Variants in TBCK observed in about 807,000 individuals in gnomAD.
The protein encoded by TBCK is TBC1 domain containing kinase.
Under a neutral mutation model 113.4 loss-of-function variants are expected in TBCK, and 99 were observed. The observed-to-expected ratio is 0.87, with a 90% CI of 0.74 to 1.03. The LOEUF (loss-of-function observed/expected upper bound fraction) is 1.03, where lower values mean the gene tolerates loss of function less well. TBCK is among the 50% of genes least tolerant of loss of function. TBCK has a pLI of 0.00. For missense variants in TBCK, 1,045 were observed against 1,061.3 expected (o/e 0.98, Z 0.21); for synonymous variants, 369 against 370.8 (o/e 1.00, Z 0.05).
chr4:106,223,658 T>C (rs1757942956), intron 19 of TBCK, among the ~76,000 whole-genome samples: 2 of 152,132 alleles, frequency 1.3e-5, no homozygotes, highest in African/African-American at 4.8e-5. Context: ...ATTTATATGA[T>C]ATCTCCTCTT....
At chr4:106,111,980 T>C (rs2149557102) in intron 24 of TBCK, among the ~76,000 whole-genome samples, 1 of 152,280 alleles carries the variant, frequency 6.6e-6, no homozygotes, top group African/African-American at 2.4e-5. Context: ...CAAAGGGAAA[T>C]TGAAGAGATA....
chr4:106,308,688 T>C, intron 2 of TBCK, 80 bp downstream of exon 2: 2 of 1,298,926 alleles, frequency 1.5e-6, no homozygotes, highest in East Asian at 2.3e-5. Context: ...GATAGCTTTA[T>C]ATATTTAGTG....
intron 3 of TBCK, among the ~76,000 whole-genome samples, chr4:106,283,761 A>G (rs1020697379): frequency 6.6e-6 from 1 of 152,028 alleles, no homozygotes; most frequent in Non-Finnish European, 1.5e-5. Flanking sequence ...TCTGGGGGAA[A>G]AAAAAAAAGA....
At chr4:106,108,090 T>A (rs1742389379) in intron 24 of TBCK, among the ~76,000 whole-genome samples, 1 of 151,928 alleles carries the variant, frequency 6.6e-6, no homozygotes, top group Admixed American at 6.6e-5. Flanking sequence ...CCAATAATGA[T>A]CTCTGAAGTT....
At chr4:106,272,086 G>A (rs959318686) in intron 3 of TBCK, among the ~76,000 whole-genome samples, 2 of 152,078 alleles carry the variant, frequency 1.3e-5, no homozygotes, top group African/African-American at 4.8e-5. Context: ...TTCACTTTCA[G>A]GTATACAGGA....
At position 106,119,974 on chromosome 4, in the gene TBCK, G is replaced by A. The variant is rs191729269; in HGVS notation, c.2236-3596C>T. 3.3e-4 allele frequency among the ~76,000 whole-genome samples: 51 copies of A among 152,250 alleles called. 1 individual carries two copies. In the Middle Eastern group the frequency reaches 0.014, roughly 41 times the overall value. On this transcript the variant is annotated intron_variant, in intron 23 of 25. Coordinates refer to ENST00000394708, the MANE Select transcript of TBCK (RefSeq NM_001163435.3). Reference sequence around the variant, plus strand: ...CAATGTGAGAGGAGCCAAGATGGCCGAATAGGAACAGCTCGGGTCTACAGC... The same window carrying A: ...CAATGTGAGAGGAGCCAAGATGGCCAAATAGGAACAGCTCGGGTCTACAGC...
chr4:106,236,527 A>G lies in TBCK; in HGVS notation c.1221-8T>C, dbSNP rs1181158360. 3 of 1,489,646 alleles carry G rather than the reference A, an allele frequency of 2.0e-6. No individual in the cohort carries two copies. Among genetic ancestry groups the G allele is most frequent in the Non-Finnish European group, 2.7e-6 (3 of 1,123,280 alleles). The allele number at this position is 1,489,646 out of a possible 1,614,324, so 92.3% of individuals were successfully genotyped here. On this transcript the variant is annotated splice_polypyrimidine_tract_variant and splice_region_variant and intron_variant, in intron 13 of 25. Transcript: ENST00000394708. ...TGAGGTAAATTAGACTGGCTGTAAA[A>G]GAGAACAAAAGCAATAAAAAAAAAA... is the stretch of plus-strand genomic sequence containing the variant.
chr4:106,270,984 A>G (rs528811142), intron 3 of TBCK, among the ~76,000 whole-genome samples: 4 of 152,340 alleles, frequency 2.6e-5, no homozygotes, highest in African/African-American at 9.6e-5. Context: ...ACTAGACTCC[A>G]TAAGCTTCCT....
intron 23 of TBCK, among the ~76,000 whole-genome samples, chr4:106,122,022 A>C (rs1401275190): frequency 6.6e-6 from 1 of 152,322 alleles, no homozygotes; most frequent in African/African-American, 2.4e-5. Flanking sequence ...AATAACTAAA[A>C]TCAGAGCAGA....
At chr4:106,245,724 A>T (rs1490085704) in intron 10 of TBCK, among the ~76,000 whole-genome samples, 2 of 152,166 alleles carry the variant, frequency 1.3e-5, no homozygotes, top group African/African-American at 4.8e-5. Flanking sequence ...CATCTCTGTT[A>T]ATAAAATCAT....
At chr4:106,197,707 A>G (rs1754428129) in intron 20 of TBCK, among the ~76,000 whole-genome samples, 1 of 151,840 alleles carries the variant, frequency 6.6e-6, no homozygotes, top group Non-Finnish European at 1.5e-5. Flanking sequence ...GAAAGGATCA[A>G]ATTGTTTCAG....
chr4:106,179,899 G>A (rs1752135261), intron 22 of TBCK, among the ~76,000 whole-genome samples: 1 of 151,924 alleles, frequency 6.6e-6, no homozygotes, highest in Non-Finnish European at 1.5e-5. Flanking sequence ...ATTAATATTT[G>A]TTTTATATTC....
chr4:106,054,220 C>G (rs1258074543), intron 25 of TBCK, among the ~76,000 whole-genome samples: 1 of 151,476 alleles, frequency 6.6e-6, no homozygotes, highest in Non-Finnish European at 1.5e-5. Flanking sequence ...CCCCAACTCC[C>G]CATCATCTAC....
upstream of TBCK, chr4:106,316,437 G>A (rs1768886369): frequency 9.1e-7 from 1 of 1,102,422 alleles, no homozygotes; most frequent in Admixed American, 2.0e-5. Context: ...ACTGAGCACA[G>A]GAAGAGGAAG....
At chr4:106,159,641 A>C (rs1012661872) in intron 23 of TBCK, among the ~76,000 whole-genome samples, 10 of 152,102 alleles carry the variant, frequency 6.6e-5, no homozygotes, top group Non-Finnish European at 1.3e-4. Context: ...GACATAAATA[A>C]ATGAAAACAC....
intron 22 of TBCK, among the ~76,000 whole-genome samples, chr4:106,177,221 T>C (rs1751782364): frequency 6.6e-6 from 1 of 151,982 alleles, no homozygotes; most frequent in Non-Finnish European, 1.5e-5. Flanking sequence ...ATTTGAGTTC[T>C]TTATGTACTC....
At chr4:106,128,682 A>G (rs1157727658) in intron 23 of TBCK, among the ~76,000 whole-genome samples, 4 of 152,190 alleles carry the variant, frequency 2.6e-5, no homozygotes, top group East Asian at 3.8e-4. Context: ...GAAAGATTCA[A>G]TATTATAAAA....
At chr4:106,259,422 T>C (rs570547043) in intron 5 of TBCK, among the ~76,000 whole-genome samples, 9 of 151,930 alleles carry the variant, frequency 5.9e-5, no homozygotes, top group East Asian at 1.9e-4. Flanking sequence ...CACATTACAA[T>C]TGAAAAAATA....
At chr4:106,052,541 T>A (rs1307887407) in intron 25 of TBCK, among the ~76,000 whole-genome samples, 2 of 151,718 alleles carry the variant, frequency 1.3e-5, no homozygotes, top group African/African-American at 4.8e-5. Flanking sequence ...TGTTTCTAAT[T>A]TTTTTGGAAC....
Sources: gnomAD v4.1 joint callset for allele counts (sites outside exome capture counted in the v4.1 genomes callset) on GRCh38, gnomAD v4.1.1 for gene constraint, MANE v1.5 for transcripts, NCBI Gene and HGNC (gene_info 2026-07-23, HGNC 2026-07-21) for gene names.